The following MRTFB variants were observed in gnomAD, a reference collection of about 807,000 sequenced individuals.
MRTFB encodes myocardin-related transcription factor B.
MRTFB carries 29 observed loss-of-function variants against 104.2 expected under a neutral mutation model. That is an observed-to-expected ratio of 0.28 (90% CI 0.21 to 0.38). The LOEUF (loss-of-function observed/expected upper bound fraction) is 0.38, where lower values mean the gene tolerates loss of function less well. MRTFB is among the 10% of genes least tolerant of loss of function. MRTFB has a pLI of 1.00. For synonymous variants in MRTFB, 535 were observed against 519.5 expected (o/e 1.03, Z -0.41); for missense variants, 1,270 against 1,341.6 (o/e 0.95, Z 0.83).
At chr16:14,186,804 G>T in intron 3 of MRTFB, 1 of 1,563,836 alleles carries the variant, frequency 6.4e-7, no homozygotes. Context: ...GGGTATTGTG[G>T]GGAGCAACCA....
At chr16:14,074,778 A>G (rs781766916) in intron 1 of MRTFB, among the ~76,000 whole-genome samples, 1 of 152,212 alleles carries the variant, frequency 6.6e-6, no homozygotes, top group Non-Finnish European at 1.5e-5. Context: ...ATATTTCTGG[A>G]CCCTTCCATT....
Position 14,242,230 on chromosome 16 carries a change from A to G in MRTFB, c.1079+1746A>G, listed in dbSNP as rs2042804667. On this transcript the variant is annotated intron_variant, in intron 10 of 16. Transcript: ENST00000571589. ...TGGCTGTGCGACTGGCTTTGTAGATAGGAAGAATCCATCAGAGGTGTGGGC... is the reference window on the plus strand; with the variant it reads ...TGGCTGTGCGACTGGCTTTGTAGATGGGAAGAATCCATCAGAGGTGTGGGC... Among the ~76,000 whole-genome samples the G allele has an allele frequency of 4.6e-5, 7 of 152,094 alleles. No individual in the cohort carries two copies. In the South Asian group the frequency reaches 1.0e-3, roughly 23 times the overall value.
chr16:14,225,469 A>C (rs554787778), intron 8 of MRTFB, among the ~76,000 whole-genome samples: 1 of 152,178 alleles, frequency 6.6e-6, no homozygotes. Flanking sequence ...TGTAATTCCT[A>C]TGGAAACAAA....
At position 14,086,012 on chromosome 16, in the gene MRTFB, A is replaced by C. The variant is rs147002748; in HGVS notation, c.-64+6658A>C. ...CATATTTATGTTTCATAGTATAGACATGGGAAAGTTTTTCATAGTTATGTT... is the reference window on the plus strand; with the variant it reads ...CATATTTATGTTTCATAGTATAGACCTGGGAAAGTTTTTCATAGTTATGTT... On this transcript the variant is annotated intron_variant, in intron 2 of 16. Transcript: ENST00000571589. 5.6e-3 allele frequency among the ~76,000 whole-genome samples: 859 copies of C among 152,332 alleles called. 9 individuals carry two copies. Among genetic ancestry groups the C allele is most frequent in the African/African-American group, 0.019 (799 of 41,582 alleles).
the MRTFB span, among the ~76,000 whole-genome samples, chr16:14,002,402 G>T: frequency 6.6e-6 from 1 of 151,120 alleles, no homozygotes; most frequent in East Asian, 1.9e-4. Flanking sequence ...AAAAAGGCAA[G>T]GTTAGCAAGT....
intron 4 of MRTFB, among the ~76,000 whole-genome samples, chr16:14,210,593 T>G (rs1444652628): frequency 1.3e-5 from 2 of 152,216 alleles, no homozygotes; most frequent in African/African-American, 4.8e-5. Flanking sequence ...TAATATTTGT[T>G]TTAGTTTTGA....
intron 3 of MRTFB, among the ~76,000 whole-genome samples, chr16:14,168,317 C>T (rs1368026738): frequency 1.3e-5 from 2 of 151,740 alleles, no homozygotes; most frequent in African/African-American, 4.9e-5. Flanking sequence ...TATGCATATG[C>T]CTAAGTGCCC....
At chr16:14,131,414 A>G (rs1035857938) in intron 2 of MRTFB, among the ~76,000 whole-genome samples, 3 of 152,198 alleles carry the variant, frequency 2.0e-5, no homozygotes, top group Non-Finnish European at 4.4e-5. Context: ...CTTAGGTATG[A>G]CATCAAAAGT....
intron 14 of MRTFB, 124 bp downstream of exon 14, chr16:14,252,147 T>C: frequency 1.6e-6 from 2 of 1,276,134 alleles, no homozygotes; most frequent in Non-Finnish European, 2.2e-6. Context: ...AATACAGTGA[T>C]AACTTGTGAA....
chr16:14,007,943 T>C, the MRTFB span, among the ~76,000 whole-genome samples: 1 of 152,226 alleles, frequency 6.6e-6, no homozygotes, highest in African/African-American at 2.4e-5. Flanking sequence ...TATTATTGAG[T>C]GGTAATCATT....
chr16:14,260,124 A>T (rs2043702718), intron 16 of MRTFB, among the ~76,000 whole-genome samples: 1 of 152,252 alleles, frequency 6.6e-6, no homozygotes, highest in South Asian at 2.1e-4. Flanking sequence ...GGCAAGGAAT[A>T]ACACATAATG....
chr16:14,047,311 A>T, the MRTFB span, among the ~76,000 whole-genome samples: 2 of 152,152 alleles, frequency 1.3e-5, no homozygotes, highest in African/African-American at 4.8e-5. Context: ...CCTTATGGTC[A>T]TAGGATAGCT....
chr16:14,219,139 T>C, intron 8 of MRTFB, 141 bp downstream of exon 8: 1 of 786,972 alleles, frequency 1.3e-6, no homozygotes, highest in Non-Finnish European at 1.8e-6. Flanking sequence ...GGCACTTAAC[T>C]GCCCTCCAGG....
intron 3 of MRTFB, chr16:14,151,017 A>G (rs537878199): frequency 1.3e-5 from 2 of 152,336 alleles, no homozygotes; most frequent in Non-Finnish European, 2.9e-5. Context: ...TGGAGAGACA[A>G]CTGCTCACGC....
intron 3 of MRTFB, among the ~76,000 whole-genome samples, chr16:14,172,815 G>A (rs2039465796): frequency 6.6e-6 from 1 of 152,136 alleles, no homozygotes; most frequent in Admixed American, 6.5e-5. Context: ...TTGGAGGAGG[G>A]AAAGAATGAA....
chr16:14,161,085 CTTTTTT>C (rs57360069), intron 3 of MRTFB, among the ~76,000 whole-genome samples: 158 of 53,118 alleles, frequency 3.0e-3, no homozygotes, highest in African/African-American at 0.014. Flanking sequence ...AATGCCAGGA[CTTTTTT>C]TTTTTTTTTT....
the MRTFB span, among the ~76,000 whole-genome samples, chr16:14,023,648 T>C: frequency 4.0e-5 from 6 of 149,324 alleles, no homozygotes; most frequent in South Asian, 4.2e-4. Context: ...CATATACATA[T>C]ACATATTTAT....
At chr16:14,232,573 T>C (rs2151308870) in intron 8 of MRTFB, among the ~76,000 whole-genome samples, 1 of 152,314 alleles carries the variant, frequency 6.6e-6, no homozygotes, top group East Asian at 1.9e-4. Context: ...GTCCTTCATA[T>C]TGTCAACACT....
In MRTFB at chr16:14,245,077, C is replaced by T. The variant is rs75832614; in HGVS notation, c.1080-451C>T. Among the ~76,000 whole-genome samples the T allele has an allele frequency of 1.6e-4, 25 of 152,280 alleles. No individual in the cohort carries two copies. In the East Asian group the frequency reaches 4.1e-3, roughly 25 times the overall value. On this transcript the variant is annotated intron_variant, in intron 10 of 16. Transcript: ENST00000571589. ...ACGTAGCATGGCACCATTGAAGTCC[C>T]GCCCTCTCTCCACTACATCACAGTG...
Sources: gnomAD v4.1 joint callset for allele counts (sites outside exome capture counted in the v4.1 genomes callset) on GRCh38, gnomAD v4.1.1 for gene constraint, MANE v1.5 for transcripts, NCBI Gene and HGNC (gene_info 2026-07-23, HGNC 2026-07-21) for gene names.